Variants in NEGR1 observed in about 807,000 individuals in gnomAD.
NEGR1 encodes the protein neuronal growth regulator 1.
Under a neutral mutation model 40.9 loss-of-function variants are expected in NEGR1, and 10 were observed. The ratio of observed to expected loss-of-function variants is 0.24; its 90% CI spans 0.15 to 0.42. The LOEUF (loss-of-function observed/expected upper bound fraction) is 0.42. Among genes scored for constraint, NEGR1 ranks in the 10% least tolerant of loss-of-function variants. The probability of loss-of-function intolerance (pLI) is 1.00; values close to 1 mark genes in which losing one functional copy is unlikely to be tolerated. For missense variants in NEGR1, 352 were observed against 438.9 expected, an observed-to-expected ratio of 0.80 and a Z score of 1.77; for synonymous variants, 185 against 166.8, an observed-to-expected ratio of 1.11 and a Z score of -0.84.
intron 1 of NEGR1, among the ~76,000 whole-genome samples, chr1:72,065,520 A>G (rs1485846635): frequency 6.6e-6 from 1 of 152,086 alleles, no homozygotes; most frequent in Non-Finnish European, 1.5e-5. Context: ...TTCTCTGGGA[A>G]CAGAGCACCT....
chr1:71,726,393 C>T (rs551967382), intron 3 of NEGR1, among the ~76,000 whole-genome samples: 4 of 152,122 alleles, frequency 2.6e-5, no homozygotes, highest in African/African-American at 9.6e-5. Flanking sequence ...TCTTTGCTTT[C>T]GAAGTGCTAG....
At chr1:72,159,729 G>T (rs1570057812) in intron 1 of NEGR1, among the ~76,000 whole-genome samples, 1 of 152,080 alleles carries the variant, frequency 6.6e-6, no homozygotes, top group East Asian at 1.9e-4. Flanking sequence ...TATTTTCTAA[G>T]AACTTTTGGG....
chr1:71,683,592 T>A lies in NEGR1; in HGVS notation c.667+14416A>T, dbSNP rs1419032516. 3.3e-5 allele frequency among the ~76,000 whole-genome samples: 5 copies of A among 152,098 alleles called. No individual in the cohort carries two copies. In the East Asian group the frequency reaches 9.6e-4, roughly 29 times the overall value. On this transcript the variant is annotated intron_variant, in intron 4 of 6. Coordinates refer to ENST00000357731, the MANE Select transcript of NEGR1 (RefSeq NM_173808.3). ...GAAAAATCTCCCTCAGGTTTAATTTTTTTTTAACTTCTCAAGATAAATACT... is the reference window on the plus strand; with the variant it reads ...GAAAAATCTCCCTCAGGTTTAATTTATTTTTAACTTCTCAAGATAAATACT...
chr1:72,158,556 GA>G (rs1651443859), intron 1 of NEGR1, among the ~76,000 whole-genome samples: 1 of 152,144 alleles, frequency 6.6e-6, no homozygotes, highest in South Asian at 2.1e-4. Flanking sequence ...ATCACTCAAT[GA>G]TCCCTGGCAT....
At chr1:71,799,422 A>G (rs1657472154) in intron 2 of NEGR1, among the ~76,000 whole-genome samples, 1 of 151,958 alleles carries the variant, frequency 6.6e-6, no homozygotes, top group Admixed American at 6.6e-5. Context: ...TACGTGCCAC[A>G]TTTTCTTTAT....
intron 6 of NEGR1, among the ~76,000 whole-genome samples, chr1:71,559,040 T>TAC (rs1557566296): frequency 2.0e-4 from 15 of 76,556 alleles, no homozygotes; most frequent in Admixed American, 2.7e-4. Flanking sequence ...TATATATATA[T>TAC]ATATACACAT....
At chr1:71,674,400 G>A (rs374502522) in intron 4 of NEGR1, among the ~76,000 whole-genome samples, 12 of 152,108 alleles carry the variant, frequency 7.9e-5, no homozygotes, top group South Asian at 4.1e-4. Context: ...GCCCATGCAC[G>A]TATTATTGCA....
chr1:71,466,426 T>G (rs1376663411), intron 6 of NEGR1, among the ~76,000 whole-genome samples: 3 of 152,072 alleles, frequency 2.0e-5, no homozygotes, highest in Non-Finnish European at 4.4e-5. Context: ...TTGAAATGTA[T>G]GTGCTAGTGG....
At chr1:71,628,149 C>T (rs889736383) in intron 4 of NEGR1, among the ~76,000 whole-genome samples, 1 of 151,944 alleles carries the variant, frequency 6.6e-6, no homozygotes, top group Non-Finnish European at 1.5e-5. Flanking sequence ...GAATTATTGT[C>T]TCTTCTTTTA....
At chr1:71,724,799 C>T (rs1305351893) in intron 3 of NEGR1, among the ~76,000 whole-genome samples, 1 of 152,060 alleles carries the variant, frequency 6.6e-6, no homozygotes, top group Non-Finnish European at 1.5e-5. Flanking sequence ...ATACCCTCAG[C>T]ATCTCTCCCT....
At chr1:72,249,930 T>C (rs1437857685) in intron 1 of NEGR1, among the ~76,000 whole-genome samples, 1 of 152,230 alleles carries the variant, frequency 6.6e-6, no homozygotes, top group African/African-American at 2.4e-5. Flanking sequence ...TCTGTATTTG[T>C]ACCAGTAATG....
intron 3 of NEGR1, among the ~76,000 whole-genome samples, chr1:71,749,617 G>T (rs535031744): frequency 1.3e-5 from 2 of 152,058 alleles, no homozygotes; most frequent in Non-Finnish European, 2.9e-5. Flanking sequence ...TACTTGGCCT[G>T]ACTCCCCATC....
intron 6 of NEGR1, among the ~76,000 whole-genome samples, chr1:71,482,735 G>A (rs1646862229): frequency 6.6e-6 from 1 of 151,820 alleles, no homozygotes; most frequent in Admixed American, 6.6e-5. Flanking sequence ...CAATGCCTGA[G>A]TCACATATGT....
chr1:72,282,214 G>A, intron 1 of NEGR1, 105 bp downstream of exon 1: 1 of 1,284,084 alleles, frequency 7.8e-7, no homozygotes, highest in Non-Finnish European at 1.1e-6. Flanking sequence ...TCCATGATGA[G>A]CACCACCAGC....
chr1:72,148,823 G>A (rs1651010850), intron 1 of NEGR1, among the ~76,000 whole-genome samples: 1 of 152,136 alleles, frequency 6.6e-6, no homozygotes, highest in Non-Finnish European at 1.5e-5. Flanking sequence ...CCTCAGGCTG[G>A]ACCTTATTGT....
chr1:71,895,446 A>C (rs1420105120), intron 2 of NEGR1, among the ~76,000 whole-genome samples: 1 of 151,838 alleles, frequency 6.6e-6, no homozygotes, highest in African/African-American at 2.4e-5. Flanking sequence ...ATTAGTACCT[A>C]CTCCTCATTC....
At chr1:72,193,773 T>C (rs1652905098) in intron 1 of NEGR1, among the ~76,000 whole-genome samples, 1 of 151,558 alleles carries the variant, frequency 6.6e-6, no homozygotes, top group South Asian at 2.1e-4. Flanking sequence ...ATAAAAAGAA[T>C]ATTTTTAAAG....
chr1:72,227,748 G>A (rs536382548), intron 1 of NEGR1, among the ~76,000 whole-genome samples: 1 of 152,200 alleles, frequency 6.6e-6, no homozygotes, highest in South Asian at 2.1e-4. Flanking sequence ...AAGGAGTCAA[G>A]ATGACCATAA....
chr1:71,603,091 T>G (rs900102225), intron 5 of NEGR1, among the ~76,000 whole-genome samples: 1 of 152,244 alleles, frequency 6.6e-6, no homozygotes, highest in Non-Finnish European at 1.5e-5. Flanking sequence ...AAATGCAAGT[T>G]TCTTCAATTC....
Sources: allele counts gnomAD v4.1 joint callset (sites outside exome capture counted in the v4.1 genomes callset), GRCh38; gene constraint gnomAD v4.1.1; transcripts MANE v1.5; gene names NCBI Gene and HGNC (gene_info 2026-07-23, HGNC 2026-07-21).